KCNAB1: variants seen among roughly 807,000 people sequenced by gnomAD.
KCNAB1 encodes the protein potassium voltage-gated channel subfamily A regulatory beta subunit 1.
In KCNAB1, 35 loss-of-function variants were observed where a neutral mutation model predicts 64.6. The observed-to-expected ratio is 0.54, with a 90% CI of 0.41 to 0.72. The LOEUF (loss-of-function observed/expected upper bound fraction) is 0.72, where lower values mean the gene tolerates loss of function less well. Among genes scored for constraint, KCNAB1 ranks in the 30% least tolerant of loss-of-function variants. KCNAB1 has a pLI of 0.00. For missense variants in KCNAB1, 401 were observed against 512.9 expected, an observed-to-expected ratio of 0.78 and a Z score of 2.11; for synonymous variants, 177 against 183.8, an observed-to-expected ratio of 0.96 and a Z score of 0.30.
At chr3:156,256,288 A>C (rs1163459847) in intron 1 of KCNAB1, among the ~76,000 whole-genome samples, 1 of 152,214 alleles carries the variant, frequency 6.6e-6, no homozygotes, top group Non-Finnish European at 1.5e-5. Flanking sequence ...ACTTCTTTTC[A>C]AACACAATGT....
At chr3:156,218,623 C>T (rs1325146950) in intron 1 of KCNAB1, among the ~76,000 whole-genome samples, 2 of 151,742 alleles carry the variant, frequency 1.3e-5, no homozygotes, top group East Asian at 3.9e-4. Context: ...ACCAAGGACC[C>T]TTACAGAGTC....
At chr3:156,302,681 A>G (rs1406696050) in intron 1 of KCNAB1, among the ~76,000 whole-genome samples, 1 of 152,204 alleles carries the variant, frequency 6.6e-6, no homozygotes, top group Non-Finnish European at 1.5e-5. Context: ...AGCAGCTACT[A>G]TCTGAATCTG....
chr3:156,357,081 C>T (rs1286057028), intron 1 of KCNAB1, among the ~76,000 whole-genome samples: 1 of 152,032 alleles, frequency 6.6e-6, no homozygotes, highest in Non-Finnish European at 1.5e-5. Flanking sequence ...CAATGAAATA[C>T]AGATTTATGC....
At position 156,291,810 on chromosome 3, in the gene KCNAB1, G is replaced by A. The variant is rs539860574; in HGVS notation, c.276-129806G>A. 42 of 1,577,944 alleles carry A rather than the reference G, an allele frequency of 2.7e-5. No individual in the cohort carries two copies. The East Asian group carries it at 7.9e-4, about 30-fold the overall frequency. On this transcript the variant is annotated intron_variant, in intron 1 of 13. Transcript: ENST00000490337. Reference sequence around the variant, plus strand: ...TCCCCAGGAAGGGGGAGCAAGGAGGGCTTAAAAGAAAAGCAGAAATCCCCG... The same window carrying A: ...TCCCCAGGAAGGGGGAGCAAGGAGGACTTAAAAGAAAAGCAGAAATCCCCG...
intron 1 of KCNAB1, among the ~76,000 whole-genome samples, chr3:156,283,157 C>T: frequency 6.6e-6 from 1 of 151,522 alleles, no homozygotes; most frequent in African/African-American, 2.4e-5. Flanking sequence ...GTAAGGCAGG[C>T]CTGGTGGTGA....
At position 156,537,267 on chromosome 3, in the gene KCNAB1, CAA is replaced by C. The variant is rs1204756531; in HGVS notation, c.*523_*524del. 1.8e-5 allele frequency: 7 copies of C among 386,332 alleles called. No individual in the cohort carries two copies. The highest frequency in any genetic ancestry group is 6.3e-5 in the African/African-American group (3 of 47,862). 23.9% of individuals were successfully genotyped at this position (386,332 alleles called of 1,614,324 possible). On this transcript the variant is annotated 3_prime_UTR_variant, in exon 14 of 14. Transcript: ENST00000490337. Reference sequence around the variant, plus strand: ...AAAAAAAAAAAGCAGTATCTTCACTCAAAAGTCTTGCTTGGAAGAATAAGCAG... The same window carrying C: ...AAAAAAAAAAAGCAGTATCTTCACTCAAGTCTTGCTTGGAAGAATAAGCAG...
chr3:156,296,468 C>G (rs1324588821), intron 1 of KCNAB1, among the ~76,000 whole-genome samples: 13 of 148,538 alleles, frequency 8.8e-5, no homozygotes, highest in Admixed American at 4.0e-4. Flanking sequence ...AACTCCCCCC[C>G]CCCCCACCTT....
chr3:156,430,179 G>C (rs938868432), intron 2 of KCNAB1, among the ~76,000 whole-genome samples: 3 of 152,242 alleles, frequency 2.0e-5, no homozygotes, highest in African/African-American at 7.2e-5. Flanking sequence ...GCTCCCAGGA[G>C]TCTATTAGGA....
Position 156,258,960 on chromosome 3 carries a change from G to C in KCNAB1, c.275+138074G>C, listed in dbSNP as rs1217755370. 5.9e-5 allele frequency among the ~76,000 whole-genome samples: 9 copies of C among 152,174 alleles called. No individual in the cohort carries two copies. The South Asian group carries it at 1.9e-3, about 32-fold the overall frequency. On this transcript the variant is annotated intron_variant, in intron 1 of 13. Coordinates refer to ENST00000490337, the MANE Select transcript of KCNAB1 (RefSeq NM_172160.3). Reference sequence around the variant, plus strand: ...ACAGACAATCCAGTCTGATGAGCAGGGAAATGGAACGATTCGGCTTCCAAT... The same window carrying C: ...ACAGACAATCCAGTCTGATGAGCAGCGAAATGGAACGATTCGGCTTCCAAT...
At chr3:156,155,506 G>A (rs140346388) in intron 1 of KCNAB1, among the ~76,000 whole-genome samples, 1 of 152,302 alleles carries the variant, frequency 6.6e-6, no homozygotes, top group Non-Finnish European at 1.5e-5. Context: ...GCCAAGGAAG[G>A]CCTCACTGAG....
At chr3:156,360,605 T>A (rs1376458808) in intron 1 of KCNAB1, among the ~76,000 whole-genome samples, 2 of 151,970 alleles carry the variant, frequency 1.3e-5, no homozygotes, top group African/African-American at 2.4e-5. Context: ...TCCTGGCAGC[T>A]CATGAGGCTT....
intron 1 of KCNAB1, among the ~76,000 whole-genome samples, chr3:156,121,400 C>T (rs897322736): frequency 6.6e-6 from 1 of 152,008 alleles, no homozygotes; most frequent in African/African-American, 2.4e-5. Context: ...GGGATCTGAG[C>T]CCCGTGTCTA....
At chr3:156,325,241 A>C (rs2108033080) in intron 1 of KCNAB1, among the ~76,000 whole-genome samples, 1 of 152,158 alleles carries the variant, frequency 6.6e-6, no homozygotes, top group South Asian at 2.1e-4. Flanking sequence ...CTGAGATCTA[A>C]ACGCAATTTT....
Position 156,536,933 on chromosome 3 carries a change from GA to G in KCNAB1, c.*190del, listed in dbSNP as rs907043984. On this transcript the variant is annotated 3_prime_UTR_variant, in exon 14 of 14. Coordinates refer to ENST00000490337, the MANE Select transcript of KCNAB1 (RefSeq NM_172160.3). ...TGCACATCTGAAAACTCACAACCAA[GA>G]AAATCCATTCTATTTTCTTATCTTG... The G allele has an allele frequency of 8.4e-6, 5 of 596,130 alleles. No homozygotes were observed. The highest frequency in any genetic ancestry group is 1.5e-5 in the Non-Finnish European group (5 of 334,946). The allele number at this position is 596,130 out of a possible 1,614,324, so 36.9% of individuals were successfully genotyped here. A position where few individuals can be genotyped will look rare whatever the true frequency, so the allele number is the denominator to read the frequency against.
intron 1 of KCNAB1, among the ~76,000 whole-genome samples, chr3:156,245,399 T>G (rs1717392471): frequency 6.6e-6 from 1 of 152,180 alleles, no homozygotes. Flanking sequence ...TCATAACATC[T>G]TGCATAACAT....
At chr3:156,450,208 G>A (rs373285329) in intron 2 of KCNAB1, among the ~76,000 whole-genome samples, 2 of 152,108 alleles carry the variant, frequency 1.3e-5, no homozygotes, top group African/African-American at 2.4e-5. Flanking sequence ...TTACTTGACC[G>A]GCCTGACATT....
At chr3:156,521,183 C>G (rs968812377) in intron 11 of KCNAB1, among the ~76,000 whole-genome samples, 1 of 152,176 alleles carries the variant, frequency 6.6e-6, no homozygotes, top group Non-Finnish European at 1.5e-5. Context: ...GTGCTGGGTG[C>G]TGAGGACACA....
At chr3:156,247,456 T>C (rs1302658439) in intron 1 of KCNAB1, among the ~76,000 whole-genome samples, 2 of 152,146 alleles carry the variant, frequency 1.3e-5, no homozygotes, top group Non-Finnish European at 2.9e-5. Flanking sequence ...GAGATTTTTC[T>C]CTTATATTCT....
chr3:156,512,450 T>C (rs1032138057), intron 8 of KCNAB1, among the ~76,000 whole-genome samples: 1 of 152,238 alleles, frequency 6.6e-6, no homozygotes, highest in African/African-American at 2.4e-5. Context: ...TGTTAACCTC[T>C]TCTGTGTTTA....
Sources: gnomAD v4.1 joint callset for allele counts (sites outside exome capture counted in the v4.1 genomes callset) on GRCh38, gnomAD v4.1.1 for gene constraint, MANE v1.5 for transcripts, NCBI Gene and HGNC (gene_info 2026-07-23, HGNC 2026-07-21) for gene names.